The following ENTPD1 variants were observed in gnomAD, a reference collection of about 807,000 sequenced individuals.
The protein encoded by ENTPD1 is ectonucleoside triphosphate diphosphohydrolase 1, also known as ATP diphosphohydrolase.
A neutral mutation model predicts 57.0 loss-of-function variants in ENTPD1; 33 were observed. The ratio of observed to expected loss-of-function variants is 0.58; its 90% CI spans 0.44 to 0.77. The LOEUF is 0.77. Among genes scored for constraint, ENTPD1 ranks in the 30% least tolerant of loss-of-function variants. The pLI is 0.00. For synonymous variants in ENTPD1, 202 were observed against 218.8 expected (o/e 0.92, Z 0.68); for missense variants, 501 against 603.4 (o/e 0.83, Z 1.78).
intron 2 of ENTPD1, among the ~76,000 whole-genome samples, chr10:95,830,133 A>C (rs1423680699): frequency 1.3e-5 from 2 of 152,232 alleles, no homozygotes; most frequent in East Asian, 3.8e-4. Flanking sequence ...TCAAGTATTC[A>C]GTGATAGCAA....
intron 1 of ENTPD1, among the ~76,000 whole-genome samples, chr10:95,808,297 A>G (rs2140405766): frequency 6.6e-6 from 1 of 152,204 alleles, no homozygotes; most frequent in African/African-American, 2.4e-5. Context: ...AAGCTTTTTG[A>G]TGTGCTCCTG....
chr10:95,795,768 C>T (rs1589861421), intron 1 of ENTPD1, among the ~76,000 whole-genome samples: 5 of 152,312 alleles, frequency 3.3e-5, no homozygotes, highest in African/African-American at 1.2e-4. Flanking sequence ...AGTCATACTG[C>T]ATTTCCTTAA....
At chr10:95,839,266 A>C (rs2098417651) in intron 2 of ENTPD1, 1 of 256,982 alleles carries the variant, frequency 3.9e-6, no homozygotes, top group South Asian at 4.9e-5. Flanking sequence ...GGACACAAGC[A>C]TCAGTAGCCA....
intron 1 of ENTPD1, among the ~76,000 whole-genome samples, chr10:95,771,689 G>A (rs1469046005): frequency 1.3e-5 from 2 of 152,140 alleles, no homozygotes; most frequent in African/African-American, 4.8e-5. Flanking sequence ...GTATCTCTGG[G>A]CATGAACTCT....
chr10:95,839,884 CAA>C, intron 3 of ENTPD1, 76 bp downstream of exon 3: 2 of 1,475,674 alleles, frequency 1.4e-6, no homozygotes, highest in Non-Finnish European at 1.9e-6. Flanking sequence ...CAGTAGAACA[CAA>C]GAGAAAAAGG....
chr10:95,776,803 C>G (rs1165700691), intron 1 of ENTPD1, among the ~76,000 whole-genome samples: 1 of 152,182 alleles, frequency 6.6e-6, no homozygotes, highest in South Asian at 2.1e-4. Flanking sequence ...TTCACATAGT[C>G]CCATATTTCT....
chr10:95,806,652 T>C (rs1229386965), intron 1 of ENTPD1, among the ~76,000 whole-genome samples: 1 of 152,252 alleles, frequency 6.6e-6, no homozygotes, highest in East Asian at 1.9e-4. Context: ...TTGATATTGG[T>C]GACCTACAGA....
chr10:95,714,031 C>T (rs985603491), intron 1 of ENTPD1, among the ~76,000 whole-genome samples: 1 of 152,124 alleles, frequency 6.6e-6, no homozygotes, highest in Admixed American at 6.5e-5. Context: ...AGTTTGAGGC[C>T]TGGGCATGAT....
chr10:95,842,429 T>A lies in ENTPD1; in HGVS notation c.348T>A (p.Ile116=), dbSNP rs1276419479. 1.2e-6 allele frequency: 2 copies of A among 1,613,940 alleles called. No homozygotes were observed. The highest frequency in any genetic ancestry group is 2.7e-5 in the African/African-American group (2 of 74,882). The part of the protein sequence containing the change: ...TDCMERAREV[I]PRSQHQETPV... ...GCATGGAAAGAGCTAGGGAAGTGAT[T>A]CCAAGGTCCCAGCACCAAGAGACAC... Residue 116 remains isoleucine, a synonymous_variant, in exon 4 of 10, where the codon ATT becomes ATA. Coordinates refer to ENST00000371205, the MANE Select transcript of ENTPD1 (RefSeq NM_001776.6).
chr10:95,834,006 G>A (rs2140714319), intron 2 of ENTPD1, among the ~76,000 whole-genome samples: 1 of 152,336 alleles, frequency 6.6e-6, no homozygotes, highest in East Asian at 1.9e-4. Context: ...GAGTTTTGGA[G>A]GGGAAAACAG....
chr10:95,745,748 T>G (rs1433719648), intron 1 of ENTPD1, among the ~76,000 whole-genome samples: 2 of 152,220 alleles, frequency 1.3e-5, no homozygotes, highest in Non-Finnish European at 2.9e-5. Flanking sequence ...AGGATCTTCA[T>G]TTCAGTTCAG....
chr10:95,864,582 C>T (rs904173476), intron 8 of ENTPD1, 142 bp from the exon 9 acceptor site: 3 of 1,115,818 alleles, frequency 2.7e-6, no homozygotes, highest in African/African-American at 3.1e-5. Flanking sequence ...GCACCACCCC[C>T]AAAACCCTCT....
At chr10:95,715,552 T>A in intron 1 of ENTPD1, among the ~76,000 whole-genome samples, 1 of 152,178 alleles carries the variant, frequency 6.6e-6, no homozygotes, top group Non-Finnish European at 1.5e-5. Context: ...TTCAGTGTAG[T>A]TATTGGTATG....
chr10:95,720,996 G>A (rs1327155334), intron 1 of ENTPD1, among the ~76,000 whole-genome samples: 3 of 152,096 alleles, frequency 2.0e-5, no homozygotes, highest in African/African-American at 4.8e-5. Flanking sequence ...AAGTTCAATA[G>A]GGTTTTTTAA....
At chr10:95,717,988 G>A (rs1430535941) in intron 1 of ENTPD1, among the ~76,000 whole-genome samples, 2 of 152,190 alleles carry the variant, frequency 1.3e-5, no homozygotes, top group Admixed American at 1.3e-4. Context: ...GGATTGAAAT[G>A]TATGGCCTGA....
chr10:95,718,089 C>G (rs11188444), intron 1 of ENTPD1, among the ~76,000 whole-genome samples: 40,867 of 151,992 alleles, frequency 0.27, 6,330 homozygotes, highest in Admixed American at 0.38. Context: ...TTCCAGGAAG[C>G]TGCATTCTCC....
In ENTPD1 at chr10:95,780,888, A is replaced by T. The variant is rs552426963; in HGVS notation, c.16+24633A>T. On this transcript the variant is annotated intron_variant, in intron 1 of 9. Transcript: ENST00000371205. The stretch of plus-strand genomic sequence containing the variant: ...GGACTAAAACCAGTGCATGCATATG[A>T]TCCAGCAATTCCATGGCTAGGTATA... Among the ~76,000 whole-genome samples, 21 of 152,304 alleles carry T rather than the reference A, an allele frequency of 1.4e-4. No homozygotes were observed. In the East Asian group the frequency reaches 2.1e-3, roughly 15 times the overall value.
chr10:95,861,216 G>A (rs1397560891), intron 8 of ENTPD1: 1 of 153,544 alleles, frequency 6.5e-6, no homozygotes, highest in Non-Finnish European at 1.4e-5. Flanking sequence ...GTCTGACACA[G>A]ACACAATTGT....
At chr10:95,858,918 A>G (rs1327141876) in intron 7 of ENTPD1, among the ~76,000 whole-genome samples, 3 of 152,222 alleles carry the variant, frequency 2.0e-5, no homozygotes, top group Admixed American at 6.5e-5. Context: ...GATTGTTAAG[A>G]AAAGCAAGAT....
Sources: allele counts gnomAD v4.1 joint callset (sites outside exome capture counted in the v4.1 genomes callset), GRCh38; gene constraint gnomAD v4.1.1; transcripts MANE v1.5; gene names NCBI Gene and HGNC (gene_info 2026-07-23, HGNC 2026-07-21).